DRGX: variants seen among roughly 807,000 people sequenced by gnomAD.
The protein encoded by DRGX is dorsal root ganglia homeobox.
DRGX carries 21 observed loss-of-function variants against 28.6 expected under a neutral mutation model. The observed-to-expected ratio is 0.73, with a 90% confidence interval of 0.52 to 1.06. DRGX has a LOEUF of 1.06. Ranked by LOEUF, DRGX falls within the 50% of genes least tolerant of loss-of-function variation. The probability of loss-of-function intolerance (pLI) is 0.00; values close to 1 mark genes in which losing one functional copy is unlikely to be tolerated. For missense variants in DRGX, 354 were observed against 343.9 expected, an observed-to-expected ratio of 1.03 and a Z score of -0.23; for synonymous variants, 136 against 139.1, an observed-to-expected ratio of 0.98 and a Z score of 0.16.
At chr10:49,395,251 G>A (rs1849953663) in intron 2 of DRGX, among the ~76,000 whole-genome samples, 156 bp downstream of exon 2, 1 of 152,104 alleles carries the variant, frequency 6.6e-6, no homozygotes, top group African/African-American at 2.4e-5. Context: ...CCTGGAGTGG[G>A]GTGTAGGGAG....
chr10:49,379,423 T>C (rs995283630), intron 6 of DRGX, among the ~76,000 whole-genome samples: 2 of 152,218 alleles, frequency 1.3e-5, no homozygotes, highest in African/African-American at 4.8e-5. Context: ...AAATTGTTTT[T>C]TAAATTTTTT....
intron 6 of DRGX, among the ~76,000 whole-genome samples, chr10:49,385,684 G>A (rs1849824668): frequency 6.6e-6 from 1 of 151,978 alleles, no homozygotes; most frequent in African/African-American, 2.4e-5. Context: ...CTAAGGGTGT[G>A]TCTCCTACTT....
intron 3 of DRGX, among the ~76,000 whole-genome samples, 182 bp from the exon 4 acceptor site, chr10:49,390,416 C>T (rs1447362734): frequency 6.6e-6 from 1 of 152,100 alleles, no homozygotes; most frequent in Non-Finnish European, 1.5e-5. Flanking sequence ...CCGCGGATGA[C>T]TTAGGAGCTA....
At chr10:49,380,165 G>C (rs774215153) in intron 6 of DRGX, among the ~76,000 whole-genome samples, 4 of 152,220 alleles carry the variant, frequency 2.6e-5, no homozygotes, top group African/African-American at 7.2e-5. Flanking sequence ...AGTGCAGGGG[G>C]GTGGCTGTGA....
intron 6 of DRGX, among the ~76,000 whole-genome samples, chr10:49,377,938 G>C (rs1849733508): frequency 6.6e-6 from 1 of 152,156 alleles, no homozygotes; most frequent in Non-Finnish European, 1.5e-5. Flanking sequence ...ATCTCCTCAT[G>C]ATCATAGCTT....
chr10:49,372,043 C>A (rs1036381440), intron 6 of DRGX, among the ~76,000 whole-genome samples: 1 of 152,158 alleles, frequency 6.6e-6, no homozygotes, highest in African/African-American at 2.4e-5. Context: ...GCATAATAAC[C>A]TGGAGCCATT....
chr10:49,374,753 A>G (rs1181204129), intron 6 of DRGX, among the ~76,000 whole-genome samples: 1 of 152,224 alleles, frequency 6.6e-6, no homozygotes, highest in Non-Finnish European at 1.5e-5. Flanking sequence ...AGGAAAAATT[A>G]AGTTAGCTCT....
chr10:49,377,774 G>A (rs1849731389), intron 6 of DRGX, among the ~76,000 whole-genome samples: 1 of 152,192 alleles, frequency 6.6e-6, no homozygotes, highest in African/African-American at 2.4e-5. Context: ...AAAAGCAGCA[G>A]AAGAACTGCC....
intron 1 of DRGX, 27 bp from the exon 2 acceptor site, chr10:49,395,548 C>T: frequency 1.5e-6 from 2 of 1,344,982 alleles, no homozygotes; most frequent in Non-Finnish European, 2.1e-6. Flanking sequence ...GATAGAGCTT[C>T]AAGTCTCCCT....
At chr10:49,366,436 G>T in intron 6 of DRGX, 55 bp from the exon 7 acceptor site, 1 of 1,534,402 alleles carries the variant, frequency 6.5e-7, no homozygotes, top group Non-Finnish European at 8.8e-7. Flanking sequence ...GCCTCTCAGG[G>T]CTGGGTGACA....
chr10:49,395,307 G>A, intron 2 of DRGX, 100 bp downstream of exon 2: 1 of 1,444,988 alleles, frequency 6.9e-7, no homozygotes, highest in Non-Finnish European at 9.4e-7. Context: ...TGCGCCCCCC[G>A]CAGGGCGGGG....
intron 2 of DRGX, among the ~76,000 whole-genome samples, chr10:49,392,221 G>A (rs912146478): frequency 2.0e-5 from 3 of 152,226 alleles, no homozygotes; most frequent in African/African-American, 7.2e-5. Flanking sequence ...CAGAATCACG[G>A]CATTAGGAGT....
At chr10:49,383,267 G>A (rs1426156091) in intron 6 of DRGX, among the ~76,000 whole-genome samples, 8 of 152,218 alleles carry the variant, frequency 5.3e-5, no homozygotes, top group Admixed American at 2.0e-4. Context: ...AGGTTGCCTG[G>A]TAGAGCACAG....
At chr10:49,371,988 A>G (rs992778825) in intron 6 of DRGX, among the ~76,000 whole-genome samples, 1 of 152,192 alleles carries the variant, frequency 6.6e-6, no homozygotes, top group African/African-American at 2.4e-5. Context: ...GTTAATGCTG[A>G]GAAAAGAGAC....
intron 6 of DRGX, among the ~76,000 whole-genome samples, chr10:49,380,123 A>G (rs182369227): frequency 5.5e-4 from 84 of 152,290 alleles, no homozygotes; most frequent in African/African-American, 1.9e-3. Context: ...AAGGTCAGCT[A>G]TGGTGCCGCC....
At chr10:49,373,853 A>G (rs548448594) in intron 6 of DRGX, among the ~76,000 whole-genome samples, 1 of 152,320 alleles carries the variant, frequency 6.6e-6, no homozygotes, top group East Asian at 1.9e-4. Flanking sequence ...ATGTACAGCC[A>G]TAGACCACAT....
At chr10:49,373,142 G>C (rs1045123599) in intron 6 of DRGX, among the ~76,000 whole-genome samples, 2 of 152,014 alleles carry the variant, frequency 1.3e-5, no homozygotes, top group African/African-American at 4.8e-5. Flanking sequence ...AATTAAATTA[G>C]CTACTAAGGA....
chr10:49,374,516 A>T (rs913413065), intron 6 of DRGX, among the ~76,000 whole-genome samples: 1 of 152,164 alleles, frequency 6.6e-6, no homozygotes, highest in Non-Finnish European at 1.5e-5. Flanking sequence ...CTGGTCCTTA[A>T]ATTCAGCCTG....
At chr10:49,383,010 C>T (rs1402394582) in intron 6 of DRGX, among the ~76,000 whole-genome samples, 1 of 152,120 alleles carries the variant, frequency 6.6e-6, no homozygotes, top group Non-Finnish European at 1.5e-5. Flanking sequence ...ACCCAGGGTC[C>T]TGGAGCAGAG....
Sources: gnomAD v4.1 joint callset for allele counts (sites outside exome capture counted in the v4.1 genomes callset) on GRCh38, gnomAD v4.1.1 for gene constraint, MANE v1.5 for transcripts, NCBI Gene and HGNC (gene_info 2026-07-23, HGNC 2026-07-21) for gene names.